C9orf40: variants seen among roughly 807,000 people sequenced by gnomAD.
C9orf40 encodes the protein uncharacterized protein C9orf40.
C9orf40 carries 2 observed loss-of-function variants against 7.9 expected under a neutral mutation model. That is an observed-to-expected ratio of 0.25 (90% CI 0.10 to 0.80). C9orf40 has a LOEUF of 0.80. C9orf40 is among the 30% of genes least tolerant of loss of function. The pLI, the probability that C9orf40 is intolerant of heterozygous loss-of-function variation, is 0.68. For synonymous variants in C9orf40, 113 were observed against 117.6 expected (o/e 0.96, Z 0.25); for missense variants, 256 against 268.5 (o/e 0.95, Z 0.33).
Position 74,947,038 on chromosome 9 carries a change from G to A in C9orf40, c.*1010C>T, listed in dbSNP as rs1014039391. On this transcript the variant is annotated 3_prime_UTR_variant, in exon 2 of 2. Transcript: ENST00000376854. ...TTCAGTTGTAACAAAGCCACCAACA[G>A]AGCAAAACAAAAACAAAGCTAATTA... The A allele has an allele frequency of 6.6e-6, 1 of 152,116 alleles. No individual in the cohort carries two copies. The highest frequency in any genetic ancestry group is 2.1e-4 in the South Asian group (1 of 4,824). The allele number at this position is 152,116 out of a possible 1,614,324, so 9.4% of individuals were successfully genotyped here.
In C9orf40 at chr9:74,946,719, A is replaced by G. The variant is rs192250196; in HGVS notation, c.*1329T>C. ...TTGAACCATGTCTGACCACAATGCAATACAGTTTGTCTTCTGTTCTAAAGC... is the reference window on the plus strand; with the variant it reads ...TTGAACCATGTCTGACCACAATGCAGTACAGTTTGTCTTCTGTTCTAAAGC... On this transcript the variant is annotated 3_prime_UTR_variant, in exon 2 of 2. Coordinates refer to ENST00000376854, the MANE Select transcript of C9orf40 (RefSeq NM_017998.3). 3.3e-5 allele frequency: 5 copies of G among 152,294 alleles called. No homozygotes were observed. The highest frequency in any genetic ancestry group is 2.1e-4 in the South Asian group (1 of 4,826). 9.4% of individuals were successfully genotyped at this position (152,294 alleles called of 1,614,324 possible). A position where few individuals can be genotyped will look rare whatever the true frequency, so the allele number is the denominator to read the frequency against.
chr9:74,952,306 C>G lies in C9orf40; in HGVS notation c.306G>C (p.Pro102=). ...CCTCCCCCGGCCCCGGCAGTACGGG[C>G]GGCGGCGGCAGCGGCGGATCGCCTG... The part of the protein sequence containing the change: ...LETGDPPLPP[P]PVLPGPGEEL... Residue 102 remains proline, a synonymous_variant, in exon 1 of 2, where the codon CCG becomes CCC. Transcript: ENST00000376854. This position sits in a 1 kb window ranked among gnomAD's most constrained non-coding sequence, Gnocchi z 5.4. The G allele has an allele frequency of 7.3e-7, 1 of 1,368,652 alleles. No individual in the cohort carries two copies. Among genetic ancestry groups the G allele is most frequent in the Non-Finnish European group, 9.4e-7 (1 of 1,062,696 alleles). 84.8% of individuals were successfully genotyped at this position (1,368,652 alleles called of 1,614,324 possible).
chr9:74,947,468 A>C lies in C9orf40; in HGVS notation c.*580T>G, dbSNP rs1832253083. ...CCATAGTAGAGCTTAACCAACATCAAATATTGGAAGCTTTGCAAACACGCT... is the reference window on the plus strand; with the variant it reads ...CCATAGTAGAGCTTAACCAACATCACATATTGGAAGCTTTGCAAACACGCT... On this transcript the variant is annotated 3_prime_UTR_variant, in exon 2 of 2. Transcript: ENST00000376854. 1 of 152,616 alleles carries C rather than the reference A, an allele frequency of 6.6e-6. No individual in the cohort carries two copies. The highest frequency in any genetic ancestry group is 2.4e-5 in the African/African-American group (1 of 41,434). 9.5% of individuals were successfully genotyped at this position (152,616 alleles called of 1,614,324 possible). A position where few individuals can be genotyped will look rare whatever the true frequency, so the allele number is the denominator to read the frequency against.
At chr9:74,949,205 C>T (rs1441813323) in intron 1 of C9orf40, among the ~76,000 whole-genome samples, 4 of 152,170 alleles carry the variant, frequency 2.6e-5, no homozygotes, top group African/African-American at 9.7e-5. Flanking sequence ...TAATCACTGT[C>T]TCCTTAGAGC....
chr9:74,947,964 A>G lies in C9orf40; in HGVS notation c.*84T>C. On this transcript the variant is annotated 3_prime_UTR_variant, in exon 2 of 2. Transcript: ENST00000376854. Reference sequence around the variant, plus strand: ...TTGGAAATATAACTTCAAGTATGGAAAATAACTTTTCCCTTAAGAATACGA... The same window carrying G: ...TTGGAAATATAACTTCAAGTATGGAGAATAACTTTTCCCTTAAGAATACGA... 7.3e-7 allele frequency: 1 copy of G among 1,366,740 alleles called. No homozygotes were observed. Among genetic ancestry groups the G allele is most frequent in the Non-Finnish European group, 1.0e-6 (1 of 993,818 alleles). 84.7% of individuals were successfully genotyped at this position (1,366,740 alleles called of 1,614,324 possible).
At position 74,952,365 on chromosome 9, in the gene C9orf40, T is replaced by C; in HGVS notation, c.247A>G (p.Ser83Gly). The change falls in exon 1 of 2, where the codon AGC becomes GGC. Residue 83 changes from serine (S) to glycine (G), a missense_variant. By Grantham distance (56) the Ser-to-Gly change is moderately conservative. Transcript: ENST00000376854. The surrounding 1 kb of genome is among the most constrained non-coding windows in gnomAD (Gnocchi z 5.4). ...RRDSGDNSAPSGQEREDHGLE... is the reference protein window; with the variant it reads ...RRDSGDNSAPGGQEREDHGLE... ...CCGTGGTCCTCACGCTCCTGGCCGC[T>C]CGGGGCGCTGTTGTCCCCGCTGTCA... 1.9e-6 allele frequency: 3 copies of C among 1,556,110 alleles called. No individual in the cohort carries two copies. The highest frequency in any genetic ancestry group is 2.6e-6 in the Non-Finnish European group (3 of 1,160,364).
rs568831669 is a variant in C9orf40, at chr9:74,947,242, G to A, written c.*806C>T. ...ACTATTAAATGAGAATCTCTCAAGA[G>A]TGAGGCCCAGGCAAAGATTTTTAAA... On this transcript the variant is annotated 3_prime_UTR_variant, in exon 2 of 2. Transcript: ENST00000376854. 2 of 152,748 alleles carry A rather than the reference G, an allele frequency of 1.3e-5. No individual in the cohort carries two copies. Among genetic ancestry groups the A allele is most frequent in the South Asian group, 4.1e-4 (2 of 4,826 alleles). 9.5% of individuals were successfully genotyped at this position (152,748 alleles called of 1,614,324 possible).
rs893215464 is a variant in C9orf40, at chr9:74,947,954, C to G, written c.*94G>C. 2.4e-5 allele frequency: 30 copies of G among 1,261,116 alleles called. No individual in the cohort carries two copies. In the Middle Eastern group the frequency reaches 7.8e-4, roughly 33 times the overall value. The allele number at this position is 1,261,116 out of a possible 1,614,324, so 78.1% of individuals were successfully genotyped here. A position where few individuals can be genotyped will look rare whatever the true frequency, so the allele number is the denominator to read the frequency against. ...TTTCTCAGGTTTGGAAATATAACTTCAAGTATGGAAAATAACTTTTCCCTT... is the reference window on the plus strand; with the variant it reads ...TTTCTCAGGTTTGGAAATATAACTTGAAGTATGGAAAATAACTTTTCCCTT... On this transcript the variant is annotated 3_prime_UTR_variant, in exon 2 of 2. Coordinates refer to ENST00000376854, the MANE Select transcript of C9orf40 (RefSeq NM_017998.3).
chr9:74,947,882 G>A lies in C9orf40; in HGVS notation c.*166C>T, dbSNP rs983509748. ...ATCCTTGACAAATCCTTATTAAGAGGTTCAGTAGTAACTGTAGGTATTTAA... is the reference window on the plus strand; with the variant it reads ...ATCCTTGACAAATCCTTATTAAGAGATTCAGTAGTAACTGTAGGTATTTAA... On this transcript the variant is annotated 3_prime_UTR_variant, in exon 2 of 2. Coordinates refer to ENST00000376854, the MANE Select transcript of C9orf40 (RefSeq NM_017998.3). 1.6e-6 allele frequency: 1 copy of A among 626,054 alleles called. No homozygotes were observed. Among genetic ancestry groups the A allele is most frequent in the African/African-American group, 1.8e-5 (1 of 54,108 alleles). The allele number at this position is 626,054 out of a possible 1,614,324, so 38.8% of individuals were successfully genotyped here.
chr9:74,947,988 G>A lies in C9orf40; in HGVS notation c.*60C>T, dbSNP rs902046314. Reference sequence around the variant, plus strand: ...AAAATAACTTTTCCCTTAAGAATACGAGAATTCACTTAGAGACATCTCCTC... The same window carrying A: ...AAAATAACTTTTCCCTTAAGAATACAAGAATTCACTTAGAGACATCTCCTC... On this transcript the variant is annotated 3_prime_UTR_variant, in exon 2 of 2. Coordinates refer to ENST00000376854, the MANE Select transcript of C9orf40 (RefSeq NM_017998.3). The A allele has an allele frequency of 4.0e-6, 6 of 1,482,656 alleles. No individual in the cohort carries two copies. The highest frequency in any genetic ancestry group is 1.4e-5 in the African/African-American group (1 of 70,764). The allele number at this position is 1,482,656 out of a possible 1,614,324, so 91.8% of individuals were successfully genotyped here.
chr9:74,952,162 A>AAAG lies in C9orf40; in HGVS notation c.426+23_426+24insCTT. ...GAAAAGGCAAGCCCCTTCGCCCCTC[A>AAAG]GCCCACCCGCCCCCAGCCCCTACCT... is the stretch of plus-strand genomic sequence containing the variant. On this transcript the variant is annotated intron_variant, in intron 1 of 1. Transcript: ENST00000376854. This position sits in a 1 kb window ranked among gnomAD's most constrained non-coding sequence, Gnocchi z 5.4. The AAAG allele has an allele frequency of 1.8e-5, 7 of 399,262 alleles. No homozygotes were observed. Among genetic ancestry groups the AAAG allele is most frequent in the Non-Finnish European group, 2.4e-5 (6 of 252,754 alleles). The allele number at this position is 399,262 out of a possible 1,614,324, so 24.7% of individuals were successfully genotyped here. A position where few individuals can be genotyped will look rare whatever the true frequency, so the allele number is the denominator to read the frequency against.
At position 74,948,097 on chromosome 9, in the gene C9orf40, G is replaced by T. The variant is rs1462652345; in HGVS notation, c.536C>A (p.Ala179Glu). 2 of 1,613,918 alleles carry T rather than the reference G, an allele frequency of 1.2e-6. No homozygotes were observed. The highest frequency in any genetic ancestry group is 2.7e-5 in the African/African-American group (2 of 74,900). ...CCCTTCATTCCTGCCCTGAAGTGTT[G>T]CTTCTGTCAGGGTGTCTTCACTTAA... ...EDLSEDTLTEATLQGRNEGAE... is the reference protein window; with the variant it reads ...EDLSEDTLTEETLQGRNEGAE... The change falls in exon 2 of 2, where the codon GCA becomes GAA. Residue 179 changes from alanine (A) to glutamate (E), a missense_variant. Coordinates refer to ENST00000376854, the MANE Select transcript of C9orf40 (RefSeq NM_017998.3).
chr9:74,951,299 T>C (rs1449182323), intron 1 of C9orf40, among the ~76,000 whole-genome samples: 1 of 149,356 alleles, frequency 6.7e-6, no homozygotes, highest in Admixed American at 6.6e-5. Context: ...TCTTTTCTTT[T>C]CTTTTTTTTT....
rs1407406577 is a variant in C9orf40 at position 74,947,726 on chromosome 9, G to A, written c.*322C>T. ...TGGTGCAGATAGGAGGAATATTTGAGTTTTTCCCACCTATTTCTAAAACTG... is the reference window on the plus strand; with the variant it reads ...TGGTGCAGATAGGAGGAATATTTGAATTTTTCCCACCTATTTCTAAAACTG... On this transcript the variant is annotated 3_prime_UTR_variant, in exon 2 of 2. Transcript: ENST00000376854. 5.4e-6 allele frequency: 1 copy of A among 184,842 alleles called. No homozygotes were observed. Among genetic ancestry groups the A allele is most frequent in the Non-Finnish European group, 1.1e-5 (1 of 89,804 alleles). 11.5% of individuals were successfully genotyped at this position (184,842 alleles called of 1,614,324 possible). A position where few individuals can be genotyped will look rare whatever the true frequency, so the allele number is the denominator to read the frequency against.
rs560913063 is a variant in C9orf40 at position 74,952,860 on chromosome 9, AC to A, written c.-250del. ...GATGCGGCCCGGACGTTGAGAAGCA[AC>A]CGCGAAGCGGCGGAGATTCGAACCT... On this transcript the variant is annotated 5_prime_UTR_variant, in exon 1 of 2. Transcript: ENST00000376854. This position sits in a 1 kb window ranked among gnomAD's most constrained non-coding sequence, Gnocchi z 5.4. 176 of 465,062 alleles carry A rather than the reference AC, an allele frequency of 3.8e-4. 5 individuals carry two copies. In the South Asian group the frequency reaches 6.3e-3, roughly 17 times the overall value. 28.8% of individuals were successfully genotyped at this position (465,062 alleles called of 1,614,324 possible).
chr9:74,948,847 A>G (rs1056362129), intron 1 of C9orf40, among the ~76,000 whole-genome samples: 2 of 152,226 alleles, frequency 1.3e-5, no homozygotes, highest in African/African-American at 2.4e-5. Context: ...GCTGAGCCTT[A>G]AAGAATTAAG....
At chr9:74,949,473 G>T (rs764470187) in intron 1 of C9orf40, among the ~76,000 whole-genome samples, 57 of 152,156 alleles carry the variant, frequency 3.7e-4, no homozygotes, top group Non-Finnish European at 5.6e-4. Context: ...ATGAATACCT[G>T]ATTTTATTTC....
At chr9:74,948,295 C>T in intron 1 of C9orf40, 89 bp from the exon 2 acceptor site, 2 of 843,498 alleles carry the variant, frequency 2.4e-6, no homozygotes, top group Non-Finnish European at 3.6e-6. Flanking sequence ...TAAAGGCAAA[C>T]TCATATAAGA....
chr9:74,950,212 T>C (rs1832281793), intron 1 of C9orf40, among the ~76,000 whole-genome samples: 1 of 152,228 alleles, frequency 6.6e-6, no homozygotes, highest in Non-Finnish European at 1.5e-5. Context: ...GCAGCGACTA[T>C]AGGAAGTAGA....
Sources: allele counts gnomAD v4.1 joint callset (sites outside exome capture counted in the v4.1 genomes callset), GRCh38; gene constraint gnomAD v4.1.1; non-coding constraint Gnocchi (gnomAD v3.1); transcripts MANE v1.5; gene names NCBI Gene and HGNC (gene_info 2026-07-23, HGNC 2026-07-21).